The following CCDC30 variants were observed in gnomAD, a reference collection of about 807,000 sequenced individuals.
CCDC30 encodes coiled-coil domain-containing protein 30.
CCDC30 carries 70 observed loss-of-function variants against 100.2 expected under a neutral mutation model. The observed-to-expected ratio is 0.70, with a 90% CI of 0.58 to 0.85. The LOEUF is 0.85. Among genes scored for constraint, CCDC30 ranks in the 40% least tolerant of loss-of-function variants. CCDC30 has a pLI of 0.00. For synonymous variants in CCDC30, 233 were observed against 269.5 expected, an observed-to-expected ratio of 0.86 and a Z score of 1.33; for missense variants, 652 against 771.2, an observed-to-expected ratio of 0.85 and a Z score of 1.83.
chr1:42,641,604 C>T (rs767976200), intron 12 of CCDC30, among the ~76,000 whole-genome samples: 7 of 151,908 alleles, frequency 4.6e-5, no homozygotes, highest in South Asian at 2.1e-4. Context: ...CAGTGCCTCA[C>T]GCTTGTAATC....
intron 4 of CCDC30, among the ~76,000 whole-genome samples, chr1:42,493,149 C>G (rs909988876): frequency 6.6e-6 from 1 of 151,600 alleles, no homozygotes; most frequent in East Asian, 1.9e-4. Flanking sequence ...AAGTCTATAC[C>G]TCAGAAACCC....
chr1:42,522,460 G>T (rs1644663138), intron 6 of CCDC30, among the ~76,000 whole-genome samples: 1 of 152,004 alleles, frequency 6.6e-6, no homozygotes, highest in Non-Finnish European at 1.5e-5. Flanking sequence ...AGTTGACTTT[G>T]GATAGTAAAA....
At chr1:42,603,947 T>C (rs1462119838) in intron 10 of CCDC30, among the ~76,000 whole-genome samples, 1 of 152,182 alleles carries the variant, frequency 6.6e-6, no homozygotes, top group Non-Finnish European at 1.5e-5. Flanking sequence ...GGGACACGCA[T>C]AGTGGCTCAC....
rs768275868 is a variant in CCDC30, at chr1:42,545,415, G to T, written c.457-20881G>T. The T allele has an allele frequency of 7.0e-6, 11 of 1,568,740 alleles. No homozygotes were observed. The highest frequency in any genetic ancestry group is 9.4e-6 in the Non-Finnish European group (11 of 1,165,700). On this transcript the variant is annotated intron_variant, in intron 6 of 16. Transcript: ENST00000668663. ...TCTTTCACTTAATTTTGCAGGTCTT[G>T]AAGCTTTCACAAGAATTTGCACAAT...
At chr1:42,505,475 G>T (rs1240399057) in intron 6 of CCDC30, among the ~76,000 whole-genome samples, 2 of 152,160 alleles carry the variant, frequency 1.3e-5, no homozygotes, top group Non-Finnish European at 2.9e-5. Context: ...ATAAGTTTTG[G>T]AGCATAATTT....
At chr1:42,610,883 GC>G in intron 10 of CCDC30, 94 bp from the exon 15 acceptor site, 1 of 583,504 alleles carries the variant, frequency 1.7e-6, no homozygotes, top group Non-Finnish European at 2.9e-6. Flanking sequence ...GTGACTATAA[GC>G]TTTTTTTTTT....
intron 6 of CCDC30, chr1:42,537,001 A>G: frequency 2.8e-6 from 1 of 360,050 alleles, no homozygotes; most frequent in Non-Finnish European, 5.4e-6. Flanking sequence ...ATCTCCAAAT[A>G]CAGTCCATAT....
In CCDC30 at chr1:42,524,660, C is replaced by A. The variant is rs200835807; in HGVS notation, c.456+25744C>A. Among the ~76,000 whole-genome samples, 3 of 152,342 alleles carry A rather than the reference C, an allele frequency of 2.0e-5. No homozygotes were observed. In the East Asian group the frequency reaches 5.8e-4, roughly 29 times the overall value. On this transcript the variant is annotated intron_variant, in intron 6 of 16. Transcript: ENST00000668663. ...CATTTTGACTCCCACACGTTGCATG[C>A]AAGCTGTTCCAGGAACTCATGCACA...
intron 6 of CCDC30, among the ~76,000 whole-genome samples, chr1:42,505,595 C>A (rs1644382529): frequency 1.3e-5 from 2 of 152,122 alleles, no homozygotes; most frequent in African/African-American, 4.8e-5. Flanking sequence ...TAAAGTGCAA[C>A]AAGAATAATT....
At chr1:42,565,840 A>G (rs1645594921) in intron 6 of CCDC30, among the ~76,000 whole-genome samples, 1 of 152,162 alleles carries the variant, frequency 6.6e-6, no homozygotes. Context: ...GAAATAAAAG[A>G]AAGTGATGAG....
chr1:42,545,692 A>G (rs1340824210), intron 6 of CCDC30, 113 bp downstream of exon 9: 1 of 887,638 alleles, frequency 1.1e-6, no homozygotes, highest in African/African-American at 1.8e-5. Context: ...TAAGTCTGTA[A>G]TCCCAGCACT....
At chr1:42,654,928 G>C (rs984915649), downstream of CCDC30, among the ~76,000 whole-genome samples, 2 of 151,448 alleles carry the variant, frequency 1.3e-5, no homozygotes, top group Admixed American at 1.3e-4. Flanking sequence ...GGCCATGCTG[G>C]TCTTGAACTC....
At chr1:42,541,798 G>A (rs1645016851) in intron 6 of CCDC30, among the ~76,000 whole-genome samples, 1 of 152,196 alleles carries the variant, frequency 6.6e-6, no homozygotes, top group Non-Finnish European at 1.5e-5. Flanking sequence ...TAGACTTAAA[G>A]ATAGTCTTGC....
At chr1:42,622,757 G>A (rs1412601743) in intron 11 of CCDC30, among the ~76,000 whole-genome samples, 1 of 152,044 alleles carries the variant, frequency 6.6e-6, no homozygotes, top group Non-Finnish European at 1.5e-5. Context: ...TACAGGCATG[G>A]GCCACTACGA....
Position 42,474,925 on chromosome 1 carries a change from T to C in CCDC30, c.-91-5536T>C, listed in dbSNP as rs192151842. On this transcript the variant is annotated intron_variant, in intron 1 of 16. Transcript: ENST00000668663. ...AAGCTTTTCAAAGAATACACAACAATTTTTAATGTAATCTCCTGTTAACAT... is the reference window on the plus strand; with the variant it reads ...AAGCTTTTCAAAGAATACACAACAACTTTTAATGTAATCTCCTGTTAACAT... Among the ~76,000 whole-genome samples, 149 of 152,338 alleles carry C rather than the reference T, an allele frequency of 9.8e-4. 1 individual carries two copies. The highest frequency in any genetic ancestry group is 6.8e-3 in the Middle Eastern group (2 of 294).
the CCDC30 span, chr1:42,456,929 G>A: frequency 1.2e-6 from 2 of 1,608,808 alleles, no homozygotes; most frequent in African/African-American, 1.3e-5. Flanking sequence ...GGAGGCCGAG[G>A]AGAATGCACT....
intron 11 of CCDC30, among the ~76,000 whole-genome samples, chr1:42,624,253 AT>A (rs1260298861): frequency 6.6e-6 from 1 of 152,044 alleles, no homozygotes; most frequent in Non-Finnish European, 1.5e-5. Context: ...GAGAGTTTTT[AT>A]CATGAAAGGA....
rs1231849533 is a variant in CCDC30, at chr1:42,644,688, C to T, written c.1557-5C>T. 1 of 1,535,528 alleles carries T rather than the reference C, an allele frequency of 6.5e-7. No homozygotes were observed. The highest frequency in any genetic ancestry group is 1.1e-5 in the South Asian group (1 of 89,484). On this transcript the variant is annotated splice_polypyrimidine_tract_variant and splice_region_variant and intron_variant, in intron 13 of 16. Transcript: ENST00000668663. ...AATCATGCCACTGATTTATGCCATTCTTAGGGTACTTTACATGGATAAAGA... is the reference window on the plus strand; with the variant it reads ...AATCATGCCACTGATTTATGCCATTTTTAGGGTACTTTACATGGATAAAGA...
Position 42,589,303 on chromosome 1 carries a change from T to C in CCDC30, c.1002-18T>C. On this transcript the variant is annotated intron_variant, in intron 9 of 16. Transcript: ENST00000668663. Reference sequence around the variant, plus strand: ...TTGCAATTCATGGTGTGATTTAATCTACATTAATTGCCCTCAGGAAACTTC... The same window carrying C: ...TTGCAATTCATGGTGTGATTTAATCCACATTAATTGCCCTCAGGAAACTTC... The C allele has an allele frequency of 6.4e-7, 1 of 1,559,668 alleles. No individual in the cohort carries two copies. The highest frequency in any genetic ancestry group is 8.7e-7 in the Non-Finnish European group (1 of 1,153,894).
Sources: allele counts gnomAD v4.1 joint callset (sites outside exome capture counted in the v4.1 genomes callset), GRCh38; gene constraint gnomAD v4.1.1; transcripts MANE v1.5; gene names NCBI Gene and HGNC (gene_info 2026-07-23, HGNC 2026-07-21).